BCL9: variants seen among roughly 807,000 people sequenced by gnomAD.
The protein encoded by BCL9 is B-cell CLL/lymphoma 9 protein.
Under a neutral mutation model 88.5 loss-of-function variants are expected in BCL9, and 25 were observed. That is an observed-to-expected ratio of 0.28 (90% confidence interval 0.21 to 0.39). BCL9 has a LOEUF of 0.39. BCL9 is among the 10% of genes least tolerant of loss of function. BCL9 has a pLI of 1.00. For missense variants in BCL9, 1,817 were observed against 1,877.8 expected (o/e 0.97, Z 0.60); for synonymous variants, 711 against 673.3 (o/e 1.06, Z -0.87).
intron 1 of BCL9, among the ~76,000 whole-genome samples, chr1:147,593,458 T>C (rs769933726): frequency 1.3e-5 from 2 of 152,316 alleles, no homozygotes; most frequent in Non-Finnish European, 2.9e-5. Context: ...CTGACTCTCC[T>C]GCCTGAACTA....
intron 1 of BCL9, among the ~76,000 whole-genome samples, chr1:147,574,831 A>G (rs1239603917): frequency 1.3e-5 from 2 of 152,218 alleles, no homozygotes; most frequent in African/African-American, 4.8e-5. Context: ...CCCTGTGACA[A>G]AAAAGATATG....
chr1:147,566,121 T>A (rs1408452638), intron 1 of BCL9, among the ~76,000 whole-genome samples: 2 of 152,174 alleles, frequency 1.3e-5, no homozygotes, highest in East Asian at 3.9e-4. Context: ...TGAAGACATT[T>A]AGCATCAAGA....
rs587671485 is a variant in BCL9 at position 147,614,290 on chromosome 1, T to A, written c.371-137T>A. On this transcript the variant is annotated intron_variant, in intron 5 of 9. Transcript: ENST00000234739. ...AGAGAGAAGAGTATTTGAAATTTTA[T>A]AAGTAGAAGAGGTTTCCTCTTAGCA... 47 of 785,462 alleles carry A rather than the reference T, an allele frequency of 6.0e-5. 1 individual carries two copies. In the South Asian group the frequency reaches 8.3e-4, roughly 14 times the overall value. 48.7% of individuals were successfully genotyped at this position (785,462 alleles called of 1,614,324 possible).
intron 1 of BCL9, among the ~76,000 whole-genome samples, chr1:147,563,012 G>A (rs1369645608): frequency 1.6e-4 from 25 of 152,136 alleles, no homozygotes; most frequent in African/African-American, 5.8e-4. Flanking sequence ...AGTGCACTGA[G>A]TTCATTTCTG....
chr1:147,617,025 T>C (rs1658316917), intron 7 of BCL9, among the ~76,000 whole-genome samples: 1 of 152,220 alleles, frequency 6.6e-6, no homozygotes, highest in Admixed American at 6.5e-5. Flanking sequence ...ACATCTTTCC[T>C]ATTTTGTGTA....
Position 147,625,932 on chromosome 1 carries a change from T to A in BCL9, c.*973T>A, listed in dbSNP as rs2101629888. ...TCCTTGGGATGCTCTCTGGTCTTTT[T>A]TCCCCCTAAGTCTTTCTCTTTCCCA... On this transcript the variant is annotated 3_prime_UTR_variant, in exon 10 of 10. Coordinates refer to ENST00000234739, the MANE Select transcript of BCL9 (RefSeq NM_004326.4). The A allele has an allele frequency of 4.3e-6, 1 of 232,966 alleles. No individual in the cohort carries two copies. The highest frequency in any genetic ancestry group is 2.2e-5 in the African/African-American group (1 of 45,438). The allele number at this position is 232,966 out of a possible 1,614,324, so 14.4% of individuals were successfully genotyped here.
At chr1:147,566,769 AAAAAAAG>A (rs1360396653) in intron 1 of BCL9, among the ~76,000 whole-genome samples, 1,892 of 151,340 alleles carry the variant, frequency 0.013, 22 homozygotes, top group East Asian at 0.056. Context: ...AAAAAAAGAA[AAAAAAAG>A]AAAGTCATGG....
intron 1 of BCL9, among the ~76,000 whole-genome samples, chr1:147,601,081 T>C (rs1657366064): frequency 6.6e-6 from 1 of 152,080 alleles, no homozygotes; most frequent in African/African-American, 2.4e-5. Flanking sequence ...ATAGTATTGC[T>C]GGGGGCCTTA....
chr1:147,623,793 G>C (rs370145901), intron 9 of BCL9, 49 bp from the exon 10 acceptor site: 2 of 1,545,408 alleles, frequency 1.3e-6, no homozygotes, highest in Non-Finnish European at 1.8e-6. Flanking sequence ...TAGTTTTTCT[G>C]AGTTGATTTT....
intron 1 of BCL9, among the ~76,000 whole-genome samples, chr1:147,596,828 G>C (rs1424447914): frequency 6.6e-6 from 1 of 152,074 alleles, no homozygotes; most frequent in Non-Finnish European, 1.5e-5. Context: ...CAGTTTTGGT[G>C]AACAATGAGG....
At chr1:147,596,197 C>A (rs1363482051) in intron 1 of BCL9, among the ~76,000 whole-genome samples, 1 of 152,134 alleles carries the variant, frequency 6.6e-6, no homozygotes, top group Non-Finnish European at 1.5e-5. Flanking sequence ...TGATTTCCAC[C>A]TAACGAAGGA....
intron 1 of BCL9, among the ~76,000 whole-genome samples, chr1:147,547,271 G>A (rs1361239858): frequency 3.3e-5 from 5 of 152,134 alleles, no homozygotes; most frequent in South Asian, 2.1e-4. Context: ...TGTGATTGAG[G>A]GTGAGACAGA....
chr1:147,599,665 G>A (rs1420085127), intron 1 of BCL9, among the ~76,000 whole-genome samples: 2 of 152,198 alleles, frequency 1.3e-5, no homozygotes, highest in Admixed American at 1.3e-4. Flanking sequence ...CTTTAAGGGG[G>A]GAGTGGGCGT....
intron 1 of BCL9, among the ~76,000 whole-genome samples, chr1:147,568,676 C>CT (rs1553197012): frequency 1.3e-5 from 2 of 152,126 alleles, no homozygotes; most frequent in Non-Finnish European, 2.9e-5. Flanking sequence ...GCTTCCCTCC[C>CT]TCCCTACAGA....
chr1:147,572,621 C>G (rs1553197557), intron 1 of BCL9, among the ~76,000 whole-genome samples: 1 of 152,200 alleles, frequency 6.6e-6, no homozygotes, highest in East Asian at 1.9e-4. Flanking sequence ...GCTCTGTCAC[C>G]CAGGCTGGAG....
intron 1 of BCL9, among the ~76,000 whole-genome samples, chr1:147,593,895 A>G (rs111950777): frequency 0.026 from 3,887 of 152,344 alleles, 71 homozygotes; most frequent in African/African-American, 0.047. Context: ...TATCTAGGCT[A>G]TATTTTTAAG....
chr1:147,602,640 A>G (rs1329721980), intron 1 of BCL9, among the ~76,000 whole-genome samples: 1 of 152,236 alleles, frequency 6.6e-6, no homozygotes, highest in African/African-American at 2.4e-5. Flanking sequence ...CATGTTGAAT[A>G]TAAGATGATA....
At chr1:147,613,952 TC>T (rs1658138830) in intron 5 of BCL9, among the ~76,000 whole-genome samples, 2 of 152,118 alleles carry the variant, frequency 1.3e-5, no homozygotes, top group South Asian at 4.1e-4. Flanking sequence ...CTTCCTCCCC[TC>T]CTCCCTCAAG....
At chr1:147,609,681 G>A (rs1344685893) in intron 3 of BCL9, among the ~76,000 whole-genome samples, 3 of 152,206 alleles carry the variant, frequency 2.0e-5, no homozygotes, top group Non-Finnish European at 4.4e-5. Flanking sequence ...ATAAATGCTT[G>A]GCAGATTAAT....
Sources: allele counts gnomAD v4.1 joint callset (sites outside exome capture counted in the v4.1 genomes callset), GRCh38; gene constraint gnomAD v4.1.1; transcripts MANE v1.5; gene names NCBI Gene and HGNC (gene_info 2026-07-23, HGNC 2026-07-21).